The following SLC25A21 variants were observed in gnomAD, a reference collection of about 807,000 sequenced individuals.
SLC25A21 encodes solute carrier family 25 member 21, also known as mitochondrial 2-oxodicarboxylate carrier.
SLC25A21 carries 47 observed loss-of-function variants against 43.8 expected under a neutral mutation model. The ratio of observed to expected loss-of-function variants is 1.07; its 90% confidence interval spans 0.85 to 1.37. The LOEUF (loss-of-function observed/expected upper bound fraction) is 1.37. Among genes scored for constraint, SLC25A21 ranks in the 40% most tolerant of loss-of-function variants. The probability of loss-of-function intolerance (pLI) is 0.00; values close to 1 mark genes in which losing one functional copy is unlikely to be tolerated. For missense variants in SLC25A21, 352 were observed against 350.2 expected (o/e 1.00, Z -0.04); for synonymous variants, 131 against 121.3 (o/e 1.08, Z -0.52).
chr14:37,020,094 TATAA>T (rs1262988303), intron 1 of SLC25A21, among the ~76,000 whole-genome samples: 1 of 151,960 alleles, frequency 6.6e-6, no homozygotes, highest in East Asian at 1.9e-4. Context: ...GTTAAACTCT[TATAA>T]ATAATGTAGT....
intron 1 of SLC25A21, among the ~76,000 whole-genome samples, chr14:36,988,547 G>C (rs909196164): frequency 5.3e-5 from 8 of 152,316 alleles, no homozygotes; most frequent in Non-Finnish European, 1.0e-4. Context: ...TATTTCAACT[G>C]ATAAGATATG....
chr14:37,151,017 G>C (rs1430208733), intron 1 of SLC25A21, among the ~76,000 whole-genome samples: 8 of 151,620 alleles, frequency 5.3e-5, no homozygotes, highest in African/African-American at 1.9e-4. Context: ...CACATTGGTA[G>C]GTTCTCTCTC....
chr14:36,825,285 TAACTA>T (rs1888787282), intron 2 of SLC25A21, among the ~76,000 whole-genome samples: 1 of 152,174 alleles, frequency 6.6e-6, no homozygotes, highest in Non-Finnish European at 1.5e-5. Context: ...CTCTTTCTCT[TAACTA>T]AATGCCTTTA....
chr14:36,993,308 A>G (rs1386693306), intron 1 of SLC25A21, among the ~76,000 whole-genome samples: 2 of 152,230 alleles, frequency 1.3e-5, no homozygotes, highest in African/African-American at 2.4e-5. Flanking sequence ...GTGAAAACAA[A>G]TATCAAACAA....
At chr14:37,154,833 G>A (rs955303024) in intron 1 of SLC25A21, among the ~76,000 whole-genome samples, 1 of 151,678 alleles carries the variant, frequency 6.6e-6, no homozygotes, top group Non-Finnish European at 1.5e-5. Flanking sequence ...GTAGAGACAG[G>A]GTTTCTCCAT....
chr14:37,050,938 T>C (rs985384731), intron 1 of SLC25A21, among the ~76,000 whole-genome samples: 2 of 152,200 alleles, frequency 1.3e-5, no homozygotes, highest in Admixed American at 1.3e-4. Context: ...TTTCAGACAA[T>C]AGCACAGAAT....
At chr14:37,054,813 T>C (rs1298445754) in intron 1 of SLC25A21, among the ~76,000 whole-genome samples, 2 of 152,164 alleles carry the variant, frequency 1.3e-5, no homozygotes, top group African/African-American at 4.8e-5. Context: ...ATCCCCAATC[T>C]CTCGCAGCAA....
chr14:37,072,285 G>T (rs759119589), intron 1 of SLC25A21, among the ~76,000 whole-genome samples: 12 of 151,954 alleles, frequency 7.9e-5, no homozygotes, highest in Non-Finnish European at 1.5e-4. Context: ...ATTCTGAGAG[G>T]ACTCTGCATC....
At chr14:36,981,948 T>G (rs1960035505) in intron 1 of SLC25A21, among the ~76,000 whole-genome samples, 1 of 152,210 alleles carries the variant, frequency 6.6e-6, no homozygotes, top group Non-Finnish European at 1.5e-5. Flanking sequence ...TCCTCACAAT[T>G]ATACTGAACT....
chr14:36,813,326 TTG>T (rs952219624), intron 3 of SLC25A21, among the ~76,000 whole-genome samples: 3 of 151,834 alleles, frequency 2.0e-5, no homozygotes, highest in Admixed American at 6.6e-5. Flanking sequence ...TTCTATTTAT[TTG>T]ATCATTTAAT....
At chr14:36,873,429 C>T (rs1042783312) in intron 2 of SLC25A21, among the ~76,000 whole-genome samples, 2 of 151,898 alleles carry the variant, frequency 1.3e-5, no homozygotes, top group African/African-American at 4.8e-5. Context: ...CTGAGTAGCT[C>T]GGATTACAGG....
At chr14:37,092,300 T>C (rs988881626) in intron 1 of SLC25A21, among the ~76,000 whole-genome samples, 2 of 152,190 alleles carry the variant, frequency 1.3e-5, no homozygotes, top group Admixed American at 6.5e-5. Context: ...ATGGCACCTA[T>C]AGCTACTGCA....
chr14:37,086,880 C>A (rs1278745790), intron 1 of SLC25A21, among the ~76,000 whole-genome samples: 1 of 152,148 alleles, frequency 6.6e-6, no homozygotes, highest in East Asian at 1.9e-4. Context: ...AGGATACAAT[C>A]TCATACATTT....
Position 37,139,893 on chromosome 14 carries a change from C to T in SLC25A21, c.70+32388G>A, listed in dbSNP as rs568944681. ...ACCAGCTAAATACTTGAGATGAATA[C>T]GCATTAAAAATAAACCACAATGCTT... On this transcript the variant is annotated intron_variant, in intron 1 of 9. Coordinates refer to ENST00000331299, the MANE Select transcript of SLC25A21 (RefSeq NM_030631.4). Among the ~76,000 whole-genome samples the T allele has an allele frequency of 1.4e-4, 22 of 152,252 alleles. No individual in the cohort carries two copies. In the East Asian group the frequency reaches 2.7e-3, roughly 19 times the overall value.
intron 1 of SLC25A21, among the ~76,000 whole-genome samples, chr14:37,095,514 T>C (rs1962672052): frequency 1.3e-5 from 2 of 152,040 alleles, no homozygotes; most frequent in South Asian, 4.1e-4. Flanking sequence ...CAAGACTCCA[T>C]CTCGACAAAC....
In SLC25A21 at chr14:36,739,675, TA is replaced by T. The variant is rs58995003; in HGVS notation, c.204-5103del. On this transcript the variant is annotated intron_variant, in intron 3 of 9. Transcript: ENST00000331299. ...CCTGGCAACAGAGCAAGACTCTGTC[TA>T]AAAAAAAAGAAAAAAAAAAAAAAGA... Among the ~76,000 whole-genome samples the T allele has an allele frequency of 6.2e-3, 680 of 110,244 alleles. 9 individuals are homozygous for T. The highest frequency in any genetic ancestry group is 0.024 in the African/African-American group (644 of 26,322). 72.3% of individuals were successfully genotyped at this position (110,244 alleles called of 152,430 possible). A position where few individuals can be genotyped will look rare whatever the true frequency, so the allele number is the denominator to read the frequency against.
At position 36,783,099 on chromosome 14, in the gene SLC25A21, T is replaced by C. The variant is rs183440545; in HGVS notation, c.203+30819A>G. 4.8e-3 allele frequency among the ~76,000 whole-genome samples: 731 copies of C among 151,720 alleles called. 3 individuals carry two copies. The highest frequency in any genetic ancestry group is 0.017 in the African/African-American group (695 of 41,376). ...CTTTCATAGGTTTTCTCTAGGGTGG[T>C]GCCCTGATATGGTCAAGACGATGTG... On this transcript the variant is annotated intron_variant, in intron 3 of 9. Transcript: ENST00000331299.
intron 3 of SLC25A21, among the ~76,000 whole-genome samples, chr14:36,805,796 T>A (rs1444508419): frequency 6.6e-6 from 1 of 152,168 alleles, no homozygotes; most frequent in African/African-American, 2.4e-5. Flanking sequence ...TTACATATAC[T>A]TGATGACTAA....
intron 1 of SLC25A21, among the ~76,000 whole-genome samples, chr14:36,908,552 T>G (rs1235557079): frequency 6.6e-6 from 1 of 152,232 alleles, no homozygotes; most frequent in African/African-American, 2.4e-5. Context: ...TGGAAATCTT[T>G]TATGATTTCC....
Sources: allele counts gnomAD v4.1 joint callset (sites outside exome capture counted in the v4.1 genomes callset), GRCh38; gene constraint gnomAD v4.1.1; transcripts MANE v1.5; gene names NCBI Gene and HGNC (gene_info 2026-07-23, HGNC 2026-07-21).